Variants in ICAM3 observed in about 807,000 individuals in gnomAD.
ICAM3 encodes the protein intercellular adhesion molecule 3.
In ICAM3, 54 loss-of-function variants were observed where a neutral mutation model predicts 43.6. The observed-to-expected ratio is 1.24, with a 90% CI of 0.99 to 1.55. The LOEUF (loss-of-function observed/expected upper bound fraction) is 1.55. Among genes scored for constraint, ICAM3 ranks in the 40% most tolerant of loss-of-function variants. ICAM3 has a pLI of 0.00. For synonymous variants in ICAM3, 306 were observed against 312.6 expected (o/e 0.98, Z 0.22); for missense variants, 715 against 717.9 (o/e 1.00, Z 0.05).
rs1299731122 is a variant in ICAM3 at position 10,333,810 on chromosome 19, TGA to T, written c.*45_*46del. The T allele has an allele frequency of 6.3e-7, 1 of 1,583,352 alleles. No homozygotes were observed. Among genetic ancestry groups the T allele is most frequent in the Non-Finnish European group, 8.7e-7 (1 of 1,153,296 alleles). On this transcript the variant is annotated 3_prime_UTR_variant, in exon 7 of 7. Transcript: ENST00000160262. This position sits in a 1 kb window ranked among gnomAD's most constrained non-coding sequence, Gnocchi z 4.2. ...TTGAAGGCTTTATTGGTGCGGAATCTGAGGGCACAGCCAAGCCCCCGCCAACT... is the reference window on the plus strand; with the variant it reads ...TTGAAGGCTTTATTGGTGCGGAATCTGGGCACAGCCAAGCCCCCGCCAACT...
intron 2 of ICAM3, 42 bp from the exon 3 acceptor site, chr19:10,336,018 A>G (rs1599312879): frequency 6.7e-7 from 1 of 1,486,286 alleles, no homozygotes; most frequent in Admixed American, 2.1e-5. Flanking sequence ...GGTCCTGCAA[A>G]CCCACCCACT....
chr19:10,336,992 C>T (rs911587917), intron 2 of ICAM3, among the ~76,000 whole-genome samples: 8 of 151,782 alleles, frequency 5.3e-5, no homozygotes, highest in Admixed American at 5.3e-4. Flanking sequence ...CGCCTGTAAT[C>T]CCAGCTACTA....
intron 1 of ICAM3, 63 bp downstream of exon 1, chr19:10,339,476 C>T (rs1317989786): frequency 7.2e-7 from 1 of 1,394,168 alleles, no homozygotes; most frequent in Non-Finnish European, 1.0e-6. Flanking sequence ...TTCTATTCCT[C>T]TACCCTCTAC....
Position 10,334,053 on chromosome 19 carries a change from C to T in ICAM3, c.1448G>A (p.Ser483Asn). ...LVVVMDIEAG[S>N]SHFVPVFVAV... is the part of the protein sequence containing the mutation. Reference sequence around the variant, plus strand: ...CACGAAGACGGGGACAAAGTGGGAGCTCCCAGCTGTGCAGAGAAAGCGCTA... The same window carrying T: ...CACGAAGACGGGGACAAAGTGGGAGTTCCCAGCTGTGCAGAGAAAGCGCTA... The change falls in exon 7 of 7, where the codon AGC (serine) becomes AAC (asparagine). Residue 483 changes from serine to asparagine, a missense_variant. By Grantham distance (46) the Ser-to-Asn change is conservative. Transcript: ENST00000160262. This position sits in a 1 kb window ranked among gnomAD's most constrained non-coding sequence, Gnocchi z 5.5. 6.2e-7 allele frequency: 1 copy of T among 1,614,054 alleles called. No individual in the cohort carries two copies. Among genetic ancestry groups the T allele is most frequent in the Non-Finnish European group, 8.5e-7 (1 of 1,179,996 alleles).
rs148956626 is a variant in ICAM3, at chr19:10,338,832, A to C, written c.193T>G (p.Leu65Val). The C allele has an allele frequency of 3.3e-4, 531 of 1,614,160 alleles. 2 individuals carry two copies. Among genetic ancestry groups the C allele is most frequent in the Middle Eastern group, 1.2e-3 (7 of 6,062 alleles). ...AGCTCCTTTGATAGGGACGTCTCCAAGGCGATTTTCTCAGAGCTGGGACAA... is the reference window on the plus strand; with the variant it reads ...AGCTCCTTTGATAGGGACGTCTCCACGGCGATTTTCTCAGAGCTGGGACAA... ...TDCPSSEKIA[L>V]ETSLSKELVA... Residue 65 changes from leucine to valine, a missense_variant, in exon 2 of 7, where the codon TTG becomes GTG. Physicochemically the swap from Leu to Val is conservative, Grantham distance 32 (BLOSUM62 1). Transcript: ENST00000160262.
chr19:10,339,456 C>T (rs1325501213), intron 1 of ICAM3, 83 bp downstream of exon 1: 19 of 1,172,270 alleles, frequency 1.6e-5, no homozygotes, highest in Non-Finnish European at 2.1e-5. Context: ...AGGATGTGAA[C>T]AGCGTTGCGT....
In ICAM3 at chr19:10,333,844, C is replaced by T. The variant is rs1167515834; in HGVS notation, c.*13G>A. On this transcript the variant is annotated 3_prime_UTR_variant, in exon 7 of 7. Coordinates refer to ENST00000160262, the MANE Select transcript of ICAM3 (RefSeq NM_002162.5). This position sits in a 1 kb window ranked among gnomAD's most constrained non-coding sequence, Gnocchi z 4.2. ...AGCCAAGCCCCCGCCAACTTTGATC[C>T]CGGATCCCAGCGTCACTCAGCTCTG... is the stretch of plus-strand genomic sequence containing the variant. The T allele has an allele frequency of 2.5e-6, 4 of 1,611,940 alleles. No individual in the cohort carries two copies. In the East Asian group the frequency reaches 8.9e-5, roughly 36 times the overall value.
In ICAM3 at chr19:10,334,850, G is replaced by T; in HGVS notation, c.938-68C>A. On this transcript the variant is annotated intron_variant, in intron 4 of 6. Coordinates refer to ENST00000160262, the MANE Select transcript of ICAM3 (RefSeq NM_002162.5). This position sits in a 1 kb window ranked among gnomAD's most constrained non-coding sequence, Gnocchi z 5.5. ...TCCTGTGGGTCAAGCCGCTCCCTCC[G>T]CCCTCCCCTTTCCTCTCGGGATATC... 1.3e-6 allele frequency: 2 copies of T among 1,503,416 alleles called. No individual in the cohort carries two copies. The highest frequency in any genetic ancestry group is 2.3e-5 in the East Asian group (1 of 43,898). 93.1% of individuals were successfully genotyped at this position (1,503,416 alleles called of 1,614,324 possible).
chr19:10,338,602 G>A, intron 2 of ICAM3, 80 bp downstream of exon 2: 1 of 1,356,868 alleles, frequency 7.4e-7, no homozygotes, highest in Non-Finnish European at 1.0e-6. Flanking sequence ...CAAACTGAGG[G>A]TCCCCACTCT....
At chr19:10,336,025 C>T in intron 2 of ICAM3, 49 bp from the exon 3 acceptor site, 3 of 1,475,272 alleles carry the variant, frequency 2.0e-6, no homozygotes, top group Non-Finnish European at 1.8e-6. Flanking sequence ...CAAACCCACC[C>T]ACTCACCCCA....
At position 10,335,661 on chromosome 19, in the gene ICAM3, CT is replaced by C; in HGVS notation, c.649+9del. 4 of 1,592,978 alleles carry C rather than the reference CT, an allele frequency of 2.5e-6. No individual in the cohort carries two copies. Among genetic ancestry groups the C allele is most frequent in the Non-Finnish European group, 3.4e-6 (4 of 1,169,230 alleles). On this transcript the variant is annotated intron_variant, in intron 3 of 6. Transcript: ENST00000160262. ...GCTCGTCACCCACCGTCTGAAGCCCCTTCTCTCACCAAAGGTTCGGAGCTGG... is the reference window on the plus strand; with the variant it reads ...GCTCGTCACCCACCGTCTGAAGCCCCTCTCTCACCAAAGGTTCGGAGCTGG...
chr19:10,338,533 T>G, intron 2 of ICAM3, 149 bp downstream of exon 2: 1 of 662,306 alleles, frequency 1.5e-6, no homozygotes. Context: ...TCTATCTTTG[T>G]ATCTCACACA....
At position 10,338,914 on chromosome 19, in the gene ICAM3, C is replaced by T. The variant is rs1271334220; in HGVS notation, c.111G>A (p.Glu37=). 6.2e-7 allele frequency: 1 copy of T among 1,614,030 alleles called. No individual in the cohort carries two copies. Among genetic ancestry groups the T allele is most frequent in the African/African-American group, 1.3e-5 (1 of 75,058 alleles). The change falls in exon 2 of 7, where the codon GAG becomes GAA. Residue 37 remains glutamate, a synonymous_variant. Transcript: ENST00000160262. The stretch of plus-strand genomic sequence containing the variant: ...CAGCAGAGAGCACAGGGTTCTGGGG[C>T]TCCACCCGCAAAAGGAACTCCTGCC... ...VQGQEFLLRV[E]PQNPVLSAGG...
At chr19:10,339,382 C>T (rs1045965160) in intron 1 of ICAM3, 157 bp downstream of exon 1, 2 of 650,550 alleles carry the variant, frequency 3.1e-6, no homozygotes, top group Non-Finnish European at 5.3e-6. Flanking sequence ...CACCTGAAGG[C>T]TGAACTAAGG....
rs753485834 is a variant in ICAM3, at chr19:10,335,285, C to G, written c.718G>C (p.Asp240His). The change falls in exon 4 of 7, where the codon GAC becomes CAC. Residue 240 changes from aspartate (D) to histidine (H), a missense_variant. Physicochemically the swap from Asp to His is moderately conservative, Grantham distance 81. Transcript: ENST00000160262. ...FLEVETSWPVDCTLDGLFPAS... is the reference protein window; with the variant it reads ...FLEVETSWPVHCTLDGLFPAS... ...GGAAAAAGCCCGTCTAGGGTGCAGT[C>G]CACCGGCCACGACGTTTCCACCTCC... The G allele has an allele frequency of 4.3e-6, 7 of 1,613,108 alleles. No homozygotes were observed. In the East Asian group the frequency reaches 1.1e-4, roughly 26 times the overall value.
Position 10,334,070 on chromosome 19 carries a change from A to G in ICAM3, c.1442-11T>C. On this transcript the variant is annotated splice_polypyrimidine_tract_variant and intron_variant, in intron 6 of 6. Coordinates refer to ENST00000160262, the MANE Select transcript of ICAM3 (RefSeq NM_002162.5). This position sits in a 1 kb window ranked among gnomAD's most constrained non-coding sequence, Gnocchi z 5.5. ...AGTGGGAGCTCCCAGCTGTGCAGAGAAAGCGCTAAGTCAATATGCGTCCCT... is the reference window on the plus strand; with the variant it reads ...AGTGGGAGCTCCCAGCTGTGCAGAGGAAGCGCTAAGTCAATATGCGTCCCT... 2 of 1,613,696 alleles carry G rather than the reference A, an allele frequency of 1.2e-6. No homozygotes were observed. Among genetic ancestry groups the G allele is most frequent in the Non-Finnish European group, 1.7e-6 (2 of 1,179,816 alleles).
Position 10,335,270 on chromosome 19 carries a change from C to G in ICAM3, c.733G>C (p.Gly245Arg), listed in dbSNP as rs1164149046. Residue 245 changes from glycine to arginine, a missense_variant, in exon 4 of 7, where the codon GGG (glycine) becomes CGG (arginine). Coordinates refer to ENST00000160262, the MANE Select transcript of ICAM3 (RefSeq NM_002162.5). Reference protein sequence around the residue: ...TSWPVDCTLDGLFPASEAQVY... With the variant: ...TSWPVDCTLDRLFPASEAQVY... ...TGGGCCTCTGAGGCTGGAAAAAGCCCGTCTAGGGTGCAGTCCACCGGCCAC... is the reference window on the plus strand; with the variant it reads ...TGGGCCTCTGAGGCTGGAAAAAGCCGGTCTAGGGTGCAGTCCACCGGCCAC... The G allele has an allele frequency of 6.2e-7, 1 of 1,613,280 alleles. No individual in the cohort carries two copies. Among genetic ancestry groups the G allele is most frequent in the African/African-American group, 1.3e-5 (1 of 74,894 alleles).
chr19:10,333,890 T>G lies in ICAM3; in HGVS notation c.1611A>C (p.Glu537Asp), dbSNP rs779504765. 13 of 1,614,174 alleles carry G rather than the reference T, an allele frequency of 8.1e-6. No homozygotes were observed. The East Asian group carries it at 2.7e-4, about 33-fold the overall frequency. ...CTCTGGACGGTTCTTCCCCCATTGCTTCTGTCGGCTGCATAGACGTGAGGG... is the reference window on the plus strand; with the variant it reads ...CTCTGGACGGTTCTTCCCCCATTGCGTCTGTCGGCTGCATAGACGTGAGGG... ...YLPLTSMQPT[E>D]AMGEEPSRAE The change falls in exon 7 of 7, where the codon GAA becomes GAC. Residue 537 changes from glutamate (E) to aspartate (D), a missense_variant. Transcript: ENST00000160262. The surrounding 1 kb of genome is among the most constrained non-coding windows in gnomAD (Gnocchi z 4.2).
At position 10,334,367 on chromosome 19, in the gene ICAM3, T is replaced by G; in HGVS notation, c.1234A>C (p.Lys412Gln). ...IDRATCPQHLKWKDKTRHVLQ... is the reference protein window; with the variant it reads ...IDRATCPQHLQWKDKTRHVLQ... ...ACGTGTCTCGTTTTATCTTTCCATT[T>G]CAAGTGCTGGGGGCATGTGGCTCGG... The change falls in exon 6 of 7, where the codon AAA (lysine) becomes CAA (glutamine). Residue 412 changes from lysine (K) to glutamine (Q), a missense_variant. Coordinates refer to ENST00000160262, the MANE Select transcript of ICAM3 (RefSeq NM_002162.5). This position sits in a 1 kb window ranked among gnomAD's most constrained non-coding sequence, Gnocchi z 5.5. 1 of 1,614,170 alleles carries G rather than the reference T, an allele frequency of 6.2e-7. No homozygotes were observed. The highest frequency in any genetic ancestry group is 8.5e-7 in the Non-Finnish European group (1 of 1,180,042).
Sources: allele counts gnomAD v4.1 joint callset (sites outside exome capture counted in the v4.1 genomes callset), GRCh38; gene constraint gnomAD v4.1.1; non-coding constraint Gnocchi (gnomAD v3.1); transcripts MANE v1.5; gene names NCBI Gene and HGNC (gene_info 2026-07-23, HGNC 2026-07-21).